SH3GLB1: variants seen among roughly 807,000 people sequenced by gnomAD.
SH3GLB1 encodes the protein SH3 domain containing GRB2 like, endophilin B1.
Under a neutral mutation model 42.0 loss-of-function variants are expected in SH3GLB1, and 17 were observed. The ratio of observed to expected loss-of-function variants is 0.40; its 90% CI spans 0.28 to 0.61. The LOEUF is 0.61. Among genes scored for constraint, SH3GLB1 ranks in the 20% least tolerant of loss-of-function variants. The pLI, the probability that SH3GLB1 is intolerant of heterozygous loss-of-function variation, is 0.36. For synonymous variants in SH3GLB1, 132 were observed against 146.6 expected (o/e 0.90, Z 0.72); for missense variants, 355 against 426.3 (o/e 0.83, Z 1.47).
At chr1:86,708,943 C>A (rs567861927) in intron 1 of SH3GLB1, among the ~76,000 whole-genome samples, 1 of 152,228 alleles carries the variant, frequency 6.6e-6, no homozygotes, top group East Asian at 1.9e-4. Context: ...CCTATTCTTT[C>A]CTTTCCTTAA....
chr1:86,746,382 C>G lies in SH3GLB1; in HGVS notation c.*3147C>G, dbSNP rs1404302828. ...AAACACCTGAAATTCTGAAATATTG[C>G]CCTACTATTTAGCACTTTAAGCTTC... On this transcript the variant is annotated 3_prime_UTR_variant, in exon 9 of 9. Coordinates refer to ENST00000370558, the MANE Select transcript of SH3GLB1 (RefSeq NM_016009.5). 1 of 152,206 alleles carries G rather than the reference C, an allele frequency of 6.6e-6. No homozygotes were observed. The highest frequency in any genetic ancestry group is 1.5e-5 in the Non-Finnish European group (1 of 68,054). 9.4% of individuals were successfully genotyped at this position (152,206 alleles called of 1,614,324 possible).
chr1:86,706,077 T>G (rs1464268195), intron 1 of SH3GLB1, among the ~76,000 whole-genome samples: 1 of 152,228 alleles, frequency 6.6e-6, no homozygotes, highest in African/African-American at 2.4e-5. Context: ...TCAAGCACTT[T>G]GTAATGCATT....
At chr1:86,720,317 G>A (rs1408029857) in intron 3 of SH3GLB1, among the ~76,000 whole-genome samples, 1 of 152,116 alleles carries the variant, frequency 6.6e-6, no homozygotes, top group Admixed American at 6.5e-5. Flanking sequence ...AAGGTACTTG[G>A]CACGTAGTTC....
In SH3GLB1 at chr1:86,740,422, G is replaced by A. The variant is rs114338285; in HGVS notation, c.762-1786G>A. Among the ~76,000 whole-genome samples, 440 of 152,322 alleles carry A rather than the reference G, an allele frequency of 2.9e-3. 1 individual carries two copies. The highest frequency in any genetic ancestry group is 0.01 in the African/African-American group (423 of 41,572). On this transcript the variant is annotated intron_variant, in intron 7 of 8. Coordinates refer to ENST00000370558, the MANE Select transcript of SH3GLB1 (RefSeq NM_016009.5). ...TTTCTGTGTTTCTCCTGTTAAAGTA[G>A]ATGCATGGATACTGAATAGGTAAAT...
At chr1:86,720,499 C>T (rs1482477574) in intron 3 of SH3GLB1, among the ~76,000 whole-genome samples, 1 of 152,182 alleles carries the variant, frequency 6.6e-6, no homozygotes, top group East Asian at 1.9e-4. Flanking sequence ...AGTTGCTGTA[C>T]AGACTTTAAA....
At chr1:86,709,707 G>A (rs146506016) in intron 1 of SH3GLB1, among the ~76,000 whole-genome samples, 59 of 152,148 alleles carry the variant, frequency 3.9e-4, no homozygotes, top group African/African-American at 1.2e-3. Flanking sequence ...ACTTAGGGAG[G>A]GAGTTCATTT....
rs1212152668 is a variant in SH3GLB1 at position 86,704,659 on chromosome 1, C to G, written c.-241C>G. On this transcript the variant is annotated 5_prime_UTR_variant, in exon 1 of 9. Transcript: ENST00000370558. ...CCGCGGGGCCCATCGTCGACGTTAGCGGCCGTTCTCCGAGCCGACTGACCC... is the reference window on the plus strand; with the variant it reads ...CCGCGGGGCCCATCGTCGACGTTAGGGGCCGTTCTCCGAGCCGACTGACCC... 4 of 369,772 alleles carry G rather than the reference C, an allele frequency of 1.1e-5. No individual in the cohort carries two copies. Among genetic ancestry groups the G allele is most frequent in the Non-Finnish European group, 2.0e-5 (4 of 202,584 alleles). The allele number at this position is 369,772 out of a possible 1,614,324, so 22.9% of individuals were successfully genotyped here. A position where few individuals can be genotyped will look rare whatever the true frequency, so the allele number is the denominator to read the frequency against.
chr1:86,706,376 A>G (rs1046162491), intron 1 of SH3GLB1, among the ~76,000 whole-genome samples: 1 of 152,198 alleles, frequency 6.6e-6, no homozygotes, highest in Non-Finnish European at 1.5e-5. Context: ...AGAGATGGTA[A>G]ATTCCTTCTA....
chr1:86,728,516 A>G (rs2101962665), intron 5 of SH3GLB1: 2 of 1,405,568 alleles, frequency 1.4e-6, no homozygotes, highest in Admixed American at 2.2e-5. Context: ...TGTTTTCTAC[A>G]TCTTGAATAA....
Position 86,715,815 on chromosome 1 carries a change from G to A in SH3GLB1, c.164G>A (p.Trp55Ter). ...LLSKAECTKI[W>*]TEKIMKQTEV... ...AGCAAAGCTGAATGTACCAAAATAT[G>A]GACAGAAAAAATAATGAAACAAACT... The change falls in exon 2 of 9, where the codon TGG becomes TAG. Residue 55 changes from tryptophan (W) to a stop codon, truncating the protein, a stop_gained. Coordinates refer to ENST00000370558, the MANE Select transcript of SH3GLB1 (RefSeq NM_016009.5). LOFTEE classifies it high-confidence loss of function. The A allele has an allele frequency of 6.2e-7, 1 of 1,611,622 alleles. No homozygotes were observed. The highest frequency in any genetic ancestry group is 8.5e-7 in the Non-Finnish European group (1 of 1,179,408).
At chr1:86,716,243 GT>G (rs1324943732) in intron 2 of SH3GLB1, among the ~76,000 whole-genome samples, 2 of 151,272 alleles carry the variant, frequency 1.3e-5, no homozygotes, top group African/African-American at 2.4e-5. Context: ...TTATGTTTAA[GT>G]TTTTGGTGTG....
chr1:86,721,160 T>G (rs1654837827), intron 3 of SH3GLB1, among the ~76,000 whole-genome samples: 1 of 152,170 alleles, frequency 6.6e-6, no homozygotes, highest in Admixed American at 6.6e-5. Flanking sequence ...GTAATTCTAG[T>G]GAATGTACCC....
rs945826414 is a variant in SH3GLB1, at chr1:86,745,568, A to T, written c.*2333A>T. 2.0e-5 allele frequency: 3 copies of T among 152,212 alleles called. No individual in the cohort carries two copies. The highest frequency in any genetic ancestry group is 6.5e-5 in the Admixed American group (1 of 15,288). The allele number at this position is 152,212 out of a possible 1,614,324, so 9.4% of individuals were successfully genotyped here. A position where few individuals can be genotyped will look rare whatever the true frequency, so the allele number is the denominator to read the frequency against. ...TCAGCTTTCCATCAAGTGAAAGTTG[A>T]TTTTAGTTACCCAGTAATGTACAGA... On this transcript the variant is annotated 3_prime_UTR_variant, in exon 9 of 9. Coordinates refer to ENST00000370558, the MANE Select transcript of SH3GLB1 (RefSeq NM_016009.5).
chr1:86,736,431 G>A (rs954662575), intron 7 of SH3GLB1, among the ~76,000 whole-genome samples: 13 of 152,190 alleles, frequency 8.5e-5, no homozygotes, highest in African/African-American at 3.1e-4. Flanking sequence ...CTAATCATTA[G>A]TTATTTTAAT....
Position 86,724,880 on chromosome 1 carries a change from A to ATATATATAT in SH3GLB1, c.570+475_570+476insTATATATAT, listed in dbSNP as rs1284567743. Among the ~76,000 whole-genome samples, 212 of 103,822 alleles carry ATATATATAT rather than the reference A, an allele frequency of 2.0e-3. 4 individuals are homozygous for ATATATATAT. The highest frequency in any genetic ancestry group is 0.01 in the African/African-American group (194 of 18,508). 68.1% of individuals were successfully genotyped at this position (103,822 alleles called of 152,430 possible). A position where few individuals can be genotyped will look rare whatever the true frequency, so the allele number is the denominator to read the frequency against. On this transcript the variant is annotated intron_variant, in intron 5 of 8. Transcript: ENST00000370558. ...CAGAGCCAGACCCTGTCTTTAAAAA[A>ATATATATAT]AAAAAAAAAAAAATATATATATATA...
intron 7 of SH3GLB1, among the ~76,000 whole-genome samples, chr1:86,740,150 C>CAAAAAAAA (rs35758882): frequency 9.4e-4 from 133 of 141,582 alleles, no homozygotes; most frequent in African/African-American, 3.2e-3. Context: ...ACTCCTGTAT[C>CAAAAAAAA]AAAAAAAAAA....
chr1:86,739,737 A>G (rs1655965993), intron 7 of SH3GLB1, among the ~76,000 whole-genome samples: 1 of 152,074 alleles, frequency 6.6e-6, no homozygotes, highest in Non-Finnish European at 1.5e-5. Flanking sequence ...AGAAAATATG[A>G]TAATGTGGGA....
At chr1:86,741,773 A>C (rs1255226916) in intron 7 of SH3GLB1, among the ~76,000 whole-genome samples, 2 of 152,162 alleles carry the variant, frequency 1.3e-5, no homozygotes, top group East Asian at 3.8e-4. Flanking sequence ...CCAGTTTATG[A>C]AAAAAAGGTT....
chr1:86,730,410 AT>A (rs373558987), intron 5 of SH3GLB1: 15,222 of 975,396 alleles, frequency 0.016, 151 homozygotes, highest in African/African-American at 0.031. Context: ...CTTGTTAATG[AT>A]TTTTTTAATA....
Sources: allele counts gnomAD v4.1 joint callset (sites outside exome capture counted in the v4.1 genomes callset), GRCh38; gene constraint gnomAD v4.1.1; transcripts MANE v1.5; gene names NCBI Gene and HGNC (gene_info 2026-07-23, HGNC 2026-07-21).